CDH13: variants seen among roughly 807,000 people sequenced by gnomAD.
The protein encoded by CDH13 is cadherin 13, also known as cadherin-13.
A neutral mutation model predicts 63.8 loss-of-function variants in CDH13; 24 were observed. The observed-to-expected ratio is 0.38, with a 90% CI of 0.27 to 0.53. CDH13 has a LOEUF of 0.53. Ranked by LOEUF, CDH13 falls within the 20% of genes least tolerant of loss-of-function variation. The probability of loss-of-function intolerance (pLI) is 0.85; values close to 1 mark genes in which losing one functional copy is unlikely to be tolerated. For missense variants in CDH13, 1,049 were observed against 903.1 expected, an observed-to-expected ratio of 1.16 and a Z score of -2.07; for synonymous variants, 503 against 355.3, an observed-to-expected ratio of 1.42 and a Z score of -4.67.
At chr16:83,334,307 C>G in intron 5 of CDH13, among the ~76,000 whole-genome samples, 1 of 149,960 alleles carries the variant, frequency 6.7e-6, no homozygotes, top group Non-Finnish European at 1.5e-5. Context: ...CTCTCTCTCC[C>G]CCCTCTCTCC....
In CDH13 at chr16:82,743,077, A is replaced by G. The variant is rs1011412441; in HGVS notation, c.46-115285A>G. ...CAGAATAGTATAATAAATCCCATGT[A>G]TGTAGCGCCCACAACACCTTTTATT... On this transcript the variant is annotated intron_variant, in intron 1 of 13. Transcript: ENST00000567109. 2.0e-5 allele frequency among the ~76,000 whole-genome samples: 3 copies of G among 152,220 alleles called. No homozygotes were observed. The East Asian group carries it at 5.8e-4, about 29-fold the overall frequency.
chr16:82,853,515 A>G (rs1250911343), intron 1 of CDH13, among the ~76,000 whole-genome samples: 3 of 152,168 alleles, frequency 2.0e-5, no homozygotes, highest in African/African-American at 7.2e-5. Context: ...GTGAGATACC[A>G]TTACTCCTGC....
intron 4 of CDH13, among the ~76,000 whole-genome samples, chr16:83,163,448 T>C (rs1487476626): frequency 6.6e-6 from 1 of 152,054 alleles, no homozygotes; most frequent in Non-Finnish European, 1.5e-5. Flanking sequence ...CCCGCTAACC[T>C]CCTCTTGTAG....
At chr16:83,273,680 A>C (rs41500144) in intron 5 of CDH13, among the ~76,000 whole-genome samples, 5,724 of 152,314 alleles carry the variant, frequency 0.038, 135 homozygotes, top group East Asian at 0.074. Context: ...AAGTGAAGAC[A>C]GGTTTTAATG....
intron 6 of CDH13, among the ~76,000 whole-genome samples, chr16:83,447,124 T>TTTTTTTTTTTTTTTTTTTTTTG (rs2072724633): frequency 7.6e-6 from 1 of 130,812 alleles, no homozygotes; most frequent in Non-Finnish European, 1.6e-5. Context: ...TTTTTTTTTT[T>TTTTTTTTTTTTTTTTTTTTTTG]TTGGTTTGTG....
intron 6 of CDH13, among the ~76,000 whole-genome samples, chr16:83,481,561 GC>G (rs2073764429): frequency 6.6e-6 from 1 of 152,166 alleles, no homozygotes; most frequent in Admixed American, 6.5e-5. Context: ...GGAGGAAGGG[GC>G]TACCTGGCCA....
rs145276964 is a variant in CDH13 at position 82,661,976 on chromosome 16, C to T, written c.45+34839C>T. Among the ~76,000 whole-genome samples the T allele has an allele frequency of 5.5e-3, 831 of 152,282 alleles. 1 individual carries two copies. The highest frequency in any genetic ancestry group is 0.02 in the Middle Eastern group (6 of 294). On this transcript the variant is annotated intron_variant, in intron 1 of 13. Transcript: ENST00000567109. ...AATTGAAAATTCAGTGTCTTGATCACAGGAGAGGAATTTTAAGGGCTCCTT... is the reference window on the plus strand; with the variant it reads ...AATTGAAAATTCAGTGTCTTGATCATAGGAGAGGAATTTTAAGGGCTCCTT...
chr16:83,620,540 C>T (rs1909718985), intron 8 of CDH13, among the ~76,000 whole-genome samples: 1 of 152,164 alleles, frequency 6.6e-6, no homozygotes, highest in Admixed American at 6.5e-5. Flanking sequence ...CACCTATGTC[C>T]TTCACCCAAG....
intron 1 of CDH13, among the ~76,000 whole-genome samples, chr16:82,740,925 T>C (rs967848315): frequency 5.3e-5 from 8 of 152,204 alleles, no homozygotes; most frequent in African/African-American, 1.9e-4. Flanking sequence ...AGGGTTTATA[T>C]AAAAGAAATA....
At chr16:82,673,861 C>G (rs576335214) in intron 1 of CDH13, among the ~76,000 whole-genome samples, 3 of 152,312 alleles carry the variant, frequency 2.0e-5, no homozygotes, top group East Asian at 3.9e-4. Flanking sequence ...GGCAGCAACT[C>G]CAGGTCCTCA....
chr16:83,364,721 C>G (rs2091226240), intron 6 of CDH13, among the ~76,000 whole-genome samples: 1 of 152,058 alleles, frequency 6.6e-6, no homozygotes, highest in South Asian at 2.1e-4. Flanking sequence ...CCACTGTTCT[C>G]TAGGGAAACA....
intron 1 of CDH13, among the ~76,000 whole-genome samples, chr16:82,826,920 A>T (rs1233138966): frequency 2.0e-5 from 3 of 152,214 alleles, no homozygotes; most frequent in Non-Finnish European, 2.9e-5. Flanking sequence ...GTCGACTCTC[A>T]GGGGACTTGG....
chr16:83,039,133 A>T (rs1356789998), intron 3 of CDH13, among the ~76,000 whole-genome samples: 1 of 152,224 alleles, frequency 6.6e-6, no homozygotes, highest in Non-Finnish European at 1.5e-5. Flanking sequence ...GAGAGTTATG[A>T]GGGCCACAGG....
At chr16:83,788,129 G>T (rs1323708318) in intron 13 of CDH13, among the ~76,000 whole-genome samples, 1 of 152,134 alleles carries the variant, frequency 6.6e-6, no homozygotes, top group Non-Finnish European at 1.5e-5. Flanking sequence ...CAATTAAGGG[G>T]GTTACATCAC....
intron 5 of CDH13, among the ~76,000 whole-genome samples, chr16:83,231,859 G>A (rs540098131): frequency 7.2e-5 from 11 of 152,284 alleles, no homozygotes; most frequent in Non-Finnish European, 1.2e-4. Flanking sequence ...ATTGAATCAT[G>A]GGGGTGGACC....
At chr16:83,615,153 C>A (rs1326621683) in intron 8 of CDH13, among the ~76,000 whole-genome samples, 1 of 152,130 alleles carries the variant, frequency 6.6e-6, no homozygotes, top group Non-Finnish European at 1.5e-5. Flanking sequence ...TTTATCCAGT[C>A]CTCCAGGATT....
At chr16:82,782,895 C>T (rs900438297) in intron 1 of CDH13, among the ~76,000 whole-genome samples, 2 of 152,070 alleles carry the variant, frequency 1.3e-5, no homozygotes, top group East Asian at 1.9e-4. Flanking sequence ...CAGAGGCTTC[C>T]AGGTCTCTAT....
At chr16:82,898,416 T>C (rs2041341850) in intron 2 of CDH13, among the ~76,000 whole-genome samples, 1 of 152,182 alleles carries the variant, frequency 6.6e-6, no homozygotes. Flanking sequence ...TTCCGGCTAC[T>C]CAGGAGGTGG....
intron 2 of CDH13, among the ~76,000 whole-genome samples, chr16:82,963,859 G>T (rs1013867429): frequency 6.6e-6 from 1 of 152,116 alleles, no homozygotes. Flanking sequence ...ATGATCCTAC[G>T]GGAGCAATGG....
Sources: allele counts gnomAD v4.1 joint callset (sites outside exome capture counted in the v4.1 genomes callset), GRCh38; gene constraint gnomAD v4.1.1; transcripts MANE v1.5; gene names NCBI Gene and HGNC (gene_info 2026-07-23, HGNC 2026-07-21).